The following COL6A3 variants were observed in gnomAD, a reference collection of about 807,000 sequenced individuals.
The protein encoded by COL6A3 is collagen alpha-3(VI) chain.
In COL6A3, 137 loss-of-function variants were observed where a neutral mutation model predicts 274.1. That is an observed-to-expected ratio of 0.50 (90% CI 0.44 to 0.58). The LOEUF is 0.58. COL6A3 is among the 20% of genes least tolerant of loss of function. The pLI, the probability that COL6A3 is intolerant of heterozygous loss-of-function variation, is 0.00. For missense variants in COL6A3, 3,950 were observed against 4,124.9 expected, an observed-to-expected ratio of 0.96 and a Z score of 1.16; for synonymous variants, 1,650 against 1,650.6, an observed-to-expected ratio of 1.00 and a Z score of 0.01.
Position 237,344,897 on chromosome 2 carries a change from G to C in COL6A3, c.7174+44C>G. ...AGACAAACTGTACTTACTACAAAAG[G>C]GAGGCTTCCTTTCCTTAGGAGAAAG... On this transcript the variant is annotated intron_variant, in intron 35 of 43. Coordinates refer to ENST00000295550, the MANE Select transcript of COL6A3 (RefSeq NM_004369.4). The surrounding 1 kb of genome is among the most constrained non-coding windows in gnomAD (Gnocchi z 4.8). 1 of 1,614,030 alleles carries C rather than the reference G, an allele frequency of 6.2e-7. No individual in the cohort carries two copies. Among genetic ancestry groups the C allele is most frequent in the Non-Finnish European group, 8.5e-7 (1 of 1,180,034 alleles).
intron 14 of COL6A3, 39 bp downstream of exon 14, chr2:237,363,214 C>T (rs2077476769): frequency 6.2e-7 from 1 of 1,602,598 alleles, no homozygotes; most frequent in African/African-American, 1.3e-5. Context: ...GGTGTGGTAT[C>T]TACACTGGTC....
At chr2:237,343,629 C>T (rs918666185) in intron 36 of COL6A3, 2 of 148,884 alleles carry the variant, frequency 1.3e-5, no homozygotes, top group Admixed American at 1.4e-4. Flanking sequence ...TTGGCCTCTC[C>T]GTGGGCTGAC....
intron 39 of COL6A3, among the ~76,000 whole-genome samples, chr2:237,337,716 C>A (rs948615667): frequency 6.6e-6 from 1 of 152,228 alleles, no homozygotes; most frequent in Admixed American, 6.5e-5. Flanking sequence ...GCTGCAGGGG[C>A]TCAGTTCTTG....
chr2:237,366,737 T>G lies in COL6A3; in HGVS notation c.5450A>C (p.His1817Pro). ...GCAAAGGGTTTCATGCATCGCATCA[T>G]GCAAAGTTTCCAAAACTTGCTCGCT... ...ELSEQVLETL[H>P]DAMHETLCPG... is the part of the protein sequence containing the mutation. The change falls in exon 11 of 44, where the codon CAT becomes CCT. Residue 1817 changes from histidine (H) to proline (P), a missense_variant. Around this residue, in one of 5 missense-constraint regions of COL6A3, gnomAD observed 632 missense variants for 623.4 expected, o/e 1.01. Transcript: ENST00000295550. 1 of 1,614,284 alleles carries G rather than the reference T, an allele frequency of 6.2e-7. No individual in the cohort carries two copies. Among genetic ancestry groups the G allele is most frequent in the African/African-American group, 1.3e-5 (1 of 75,076 alleles).
intron 40 of COL6A3, among the ~76,000 whole-genome samples, chr2:237,335,159 A>G: frequency 6.6e-6 from 1 of 152,180 alleles, no homozygotes; most frequent in East Asian, 1.9e-4. Context: ...TTAAGAAGAT[A>G]CTTTGGAAAT....
intron 7 of COL6A3, among the ~76,000 whole-genome samples, chr2:237,375,462 G>A (rs114340462): frequency 1.2e-3 from 190 of 152,310 alleles, no homozygotes; most frequent in Non-Finnish European, 2.1e-3. Flanking sequence ...TTTTAGCTTA[G>A]CAACACTGGT....
At position 237,367,277 on chromosome 2, in the gene COL6A3, T is replaced by G. The variant is rs778000720; in HGVS notation, c.4910A>C (p.Lys1637Thr). The change falls in exon 11 of 44, where the codon AAA becomes ACA. Residue 1637 changes from lysine to threonine, a missense_variant. Physicochemically the swap from Lys to Thr is moderately conservative, Grantham distance 78 (BLOSUM62 -1). This residue lies in a region of COL6A3 where 632 missense variants were observed against 623.4 expected (regional missense o/e 1.01). Coordinates refer to ENST00000295550, the MANE Select transcript of COL6A3 (RefSeq NM_004369.4). ...ATCCAACAGGAACACAATGTCTGCTTTCTTCTTCTCTAGAAGTGATTAAAG... is the reference window on the plus strand; with the variant it reads ...ATCCAACAGGAACACAATGTCTGCTGTCTTCTTCTCTAGAAGTGATTAAAG... Reference protein sequence around the residue: ...TPPPSRPEKKKADIVFLLDGS... With the variant: ...TPPPSRPEKKTADIVFLLDGS... The G allele has an allele frequency of 6.2e-7, 1 of 1,613,458 alleles. No individual in the cohort carries two copies. Among genetic ancestry groups the G allele is most frequent in the East Asian group, 2.2e-5 (1 of 44,878 alleles).
intron 9 of COL6A3, among the ~76,000 whole-genome samples, chr2:237,370,384 G>GTGTGCCA (rs1559242516): frequency 6.6e-6 from 1 of 151,188 alleles, no homozygotes; most frequent in Non-Finnish European, 1.5e-5. Flanking sequence ...GACTACAGGT[G>GTGTGCCA]TGTGCCACCA....
At position 237,378,791 on chromosome 2, in the gene COL6A3, G is replaced by A. The variant is rs116753562; in HGVS notation, c.2342C>T (p.Ala781Val). 22 of 1,614,190 alleles carry A rather than the reference G, an allele frequency of 1.4e-5. No individual in the cohort carries two copies. The highest frequency in any genetic ancestry group is 1.6e-4 in the Middle Eastern group (1 of 6,062). The stretch of plus-strand genomic sequence containing the variant: ...AATCTGCTCAAGCTCTGCCTTATTC[G>A]CCTGGCTAGCTCCCACACAAAAAGT... ...ILTFCVGASQ[A>V]NKAELEQIAF... is the part of the protein sequence containing the mutation. The change falls in exon 6 of 44, where the codon GCG becomes GTG. Residue 781 changes from alanine (A) to valine (V), a missense_variant. Ala to Val is a moderately conservative substitution (Grantham distance 64). Transcript: ENST00000295550.
chr2:237,350,041 A>T, intron 28 of COL6A3, 106 bp downstream of exon 28: 1 of 1,062,804 alleles, frequency 9.4e-7, no homozygotes, highest in Non-Finnish European at 1.5e-6. Flanking sequence ...TATCCCCAAT[A>T]ATACAAGAAG....
chr2:237,357,000 T>C, intron 23 of COL6A3: 1 of 400,238 alleles, frequency 2.5e-6, no homozygotes, highest in South Asian at 3.8e-5. Flanking sequence ...CTCTTGCCCC[T>C]TATTCCCTCC....
At chr2:237,332,347 C>G (rs1700308495) in intron 42 of COL6A3, among the ~76,000 whole-genome samples, 2 of 151,628 alleles carry the variant, frequency 1.3e-5, no homozygotes, top group African/African-American at 2.4e-5. Context: ...TTTTCTATTT[C>G]CCACACTGTA....
intron 4 of COL6A3, among the ~76,000 whole-genome samples, chr2:237,385,597 C>T (rs1377256735): frequency 1.3e-5 from 2 of 152,276 alleles, no homozygotes; most frequent in African/African-American, 2.4e-5. Context: ...CATGTTGCAT[C>T]GTCGGTGTCT....
In COL6A3 at chr2:237,343,988, A is replaced by C. The variant is rs186474983; in HGVS notation, c.7668+362T>G. ...CAGCTCAGAGTGTGCACAGGGGGCC[A>C]TCTTGGGAGGAGACAGGAAGGATGC... On this transcript the variant is annotated intron_variant, in intron 36 of 43. Transcript: ENST00000295550. The C allele has an allele frequency of 6.2e-5, 23 of 373,976 alleles. No individual in the cohort carries two copies. In the Admixed American group the frequency reaches 6.7e-4, roughly 11 times the overall value. 23.2% of individuals were successfully genotyped at this position (373,976 alleles called of 1,614,324 possible).
At chr2:237,360,350 C>A (rs1325426978) in intron 16 of COL6A3, among the ~76,000 whole-genome samples, 191 bp from the exon 17 acceptor site, 4 of 152,208 alleles carry the variant, frequency 2.6e-5, no homozygotes, top group Non-Finnish European at 5.9e-5. Flanking sequence ...GGCCTGGAAC[C>A]TGCAGTTTCC....
Position 237,368,517 on chromosome 2 carries a change from A to T in COL6A3, c.4900+46T>A, listed in dbSNP as rs562866363. 3.1e-6 allele frequency: 5 copies of T among 1,601,180 alleles called. No homozygotes were observed. Among genetic ancestry groups the T allele is most frequent in the Admixed American group, 1.7e-5 (1 of 58,560 alleles). On this transcript the variant is annotated intron_variant, in intron 10 of 43. Coordinates refer to ENST00000295550, the MANE Select transcript of COL6A3 (RefSeq NM_004369.4). The surrounding 1 kb of genome is among the most constrained non-coding windows in gnomAD (Gnocchi z 4.4). ...CTGATTACTTTTTTAACTAAAAAAA[A>T]AATGTTGATGTCACACTCTGTAGTC...
At chr2:237,358,384 A>C in intron 21 of COL6A3, 137 bp downstream of exon 21, 1 of 780,150 alleles carries the variant, frequency 1.3e-6, no homozygotes, top group Non-Finnish European at 2.2e-6. Context: ...CCCAAACTGC[A>C]AGAAAAAGAC....
chr2:237,403,968 T>C (rs1445073006), intron 1 of COL6A3, among the ~76,000 whole-genome samples: 2 of 142,660 alleles, frequency 1.4e-5, no homozygotes, highest in East Asian at 2.0e-4. Flanking sequence ...TTTCTTCAAA[T>C]AAAAAAAAAA....
chr2:237,336,026 A>T, intron 40 of COL6A3, 109 bp downstream of exon 40: 1 of 1,385,130 alleles, frequency 7.2e-7, no homozygotes, highest in Non-Finnish European at 1.0e-6. Context: ...GTACAAGCCC[A>T]GATCAAGGAC....
Sources: gnomAD v4.1 joint callset for allele counts (sites outside exome capture counted in the v4.1 genomes callset) on GRCh38, gnomAD v4.1.1 for gene constraint, gnomAD v4.1.1 regional missense constraint, Gnocchi (gnomAD v3.1) non-coding constraint, MANE v1.5 for transcripts, NCBI Gene and HGNC (gene_info 2026-07-23, HGNC 2026-07-21) for gene names.